Variants in ITPR1 observed in about 807,000 individuals in gnomAD.
ITPR1 encodes inositol 1,4,5-trisphosphate receptor type 1, also known as inositol 1,4,5-trisphosphate-gated calcium channel ITPR1.
ITPR1 carries 96 observed loss-of-function variants against 318.4 expected under a neutral mutation model. That is an observed-to-expected ratio of 0.30 (90% CI 0.26 to 0.36). The LOEUF is 0.36. ITPR1 is among the 10% of genes least tolerant of loss of function. ITPR1 has a pLI of 1.00. For synonymous variants in ITPR1, 1,312 were observed against 1,289.9 expected, an observed-to-expected ratio of 1.02 and a Z score of -0.37; for missense variants, 2,440 against 3,460.2, an observed-to-expected ratio of 0.71 and a Z score of 7.40.
intron 36 of ITPR1, among the ~76,000 whole-genome samples, chr3:4,704,785 C>G (rs1469491212): frequency 6.6e-6 from 1 of 150,724 alleles, no homozygotes; most frequent in Non-Finnish European, 1.5e-5. Context: ...CAGCACTACC[C>G]AGAGTCCCCT....
intron 18 of ITPR1, among the ~76,000 whole-genome samples, chr3:4,668,221 T>A: frequency 6.6e-6 from 1 of 151,366 alleles, no homozygotes; most frequent in East Asian, 1.9e-4. Context: ...TCTATTTTTT[T>A]TTTTTTTTTT....
chr3:4,591,891 G>T (rs1237219628), intron 4 of ITPR1, among the ~76,000 whole-genome samples: 1 of 152,074 alleles, frequency 6.6e-6, no homozygotes, highest in South Asian at 2.1e-4. Context: ...TTAACAGTCA[G>T]ATCTGACATA....
At chr3:4,496,499 A>T (rs2080582774) in intron 2 of ITPR1, among the ~76,000 whole-genome samples, 1 of 152,236 alleles carries the variant, frequency 6.6e-6, no homozygotes, top group East Asian at 1.9e-4. Context: ...TTTGGGGTTG[A>T]CAATGGTATC....
rs1365643116 is a variant in ITPR1, at chr3:4,699,855, T to C, written c.4450T>C (p.Leu1484=). 1.2e-6 allele frequency: 2 copies of C among 1,613,802 alleles called. No homozygotes were observed. The highest frequency in any genetic ancestry group is 2.2e-5 in the East Asian group (1 of 44,888). The change falls in exon 35 of 62, where the codon TTG becomes CTG. Residue 1484 remains leucine (L), a synonymous_variant. Coordinates refer to ENST00000649015, the MANE Select transcript of ITPR1 (RefSeq NM_001378452.1). ...TSDRKHADSI[L]EKYVTEIVMS... ...TGACAGGAAACATGCAGACTCGATT[T>C]TGGAGAAGTATGTCACCGAAATCGT...
chr3:4,668,177 A>G (rs879531096), intron 18 of ITPR1, among the ~76,000 whole-genome samples: 87 of 151,036 alleles, frequency 5.8e-4, no homozygotes, highest in African/African-American at 2.1e-3. Flanking sequence ...TAATTACCCA[A>G]TTTACCTACA....
At chr3:4,770,690 G>T (rs753880576) in intron 46 of ITPR1, among the ~76,000 whole-genome samples, 2 of 152,168 alleles carry the variant, frequency 1.3e-5, no homozygotes, top group Non-Finnish European at 2.9e-5. Context: ...TAGTTTTCTT[G>T]TCAGTTGCTC....
Position 4,537,089 on chromosome 3 carries a change from C to T in ITPR1, c.163+15995C>T, listed in dbSNP as rs59765669. ...TATCTTGTGTCTTCTTTCTGTGCATCTTTCACCTTGGTTTCTTGTCCTGTC... is the reference window on the plus strand; with the variant it reads ...TATCTTGTGTCTTCTTTCTGTGCATTTTTCACCTTGGTTTCTTGTCCTGTC... On this transcript the variant is annotated intron_variant, in intron 4 of 61. Coordinates refer to ENST00000649015, the MANE Select transcript of ITPR1 (RefSeq NM_001378452.1). Among the ~76,000 whole-genome samples, 773 of 152,254 alleles carry T rather than the reference C, an allele frequency of 5.1e-3. 7 individuals are homozygous for T. The highest frequency in any genetic ancestry group is 0.018 in the African/African-American group (736 of 41,548).
At chr3:4,764,862 A>C (rs1004765805) in intron 44 of ITPR1, among the ~76,000 whole-genome samples, 8 of 152,108 alleles carry the variant, frequency 5.3e-5, no homozygotes, top group African/African-American at 1.9e-4. Flanking sequence ...CATGGGGGAA[A>C]GGTCTAGGCT....
chr3:4,756,075 T>C (rs1226667341), intron 44 of ITPR1, among the ~76,000 whole-genome samples: 1 of 152,208 alleles, frequency 6.6e-6, no homozygotes, highest in Non-Finnish European at 1.5e-5. Flanking sequence ...GAGGGTCCAA[T>C]TCTGAATGCC....
chr3:4,633,033 G>C (rs2093064229), intron 5 of ITPR1, among the ~76,000 whole-genome samples: 1 of 147,888 alleles, frequency 6.8e-6, no homozygotes, highest in Admixed American at 6.8e-5. Context: ...CCACCTCCCG[G>C]GTTCAAGCGA....
intron 8 of ITPR1, 127 bp from the exon 9 acceptor site, chr3:4,645,260 G>C: frequency 2.9e-6 from 2 of 697,748 alleles, no homozygotes; most frequent in South Asian, 3.2e-5. Flanking sequence ...TTTTAGTGGC[G>C]TCAATCTTTA....
At position 4,667,845 on chromosome 3, in the gene ITPR1, C is replaced by T. The variant is rs141871567; in HGVS notation, c.1886+296C>T. 3.2e-3 allele frequency among the ~76,000 whole-genome samples: 489 copies of T among 152,280 alleles called. 3 individuals carry two copies. The highest frequency in any genetic ancestry group is 0.011 in the African/African-American group (448 of 41,544). On this transcript the variant is annotated intron_variant, in intron 18 of 61. Coordinates refer to ENST00000649015, the MANE Select transcript of ITPR1 (RefSeq NM_001378452.1). The stretch of plus-strand genomic sequence containing the variant: ...ATTAAATGAGAATAAACGCAGGTGA[C>T]GTGCAGGCACTTAGTGGATGCAGAG...
intron 29 of ITPR1, among the ~76,000 whole-genome samples, chr3:4,684,745 G>A (rs142196676): frequency 7.8e-4 from 119 of 152,294 alleles, no homozygotes; most frequent in African/African-American, 2.7e-3. Context: ...TTGGGAGGCT[G>A]GGAGCTTTGT....
chr3:4,661,546 C>T (rs1045919497), intron 14 of ITPR1, among the ~76,000 whole-genome samples: 6 of 152,098 alleles, frequency 3.9e-5, no homozygotes, highest in East Asian at 1.9e-4. Context: ...CCCCTGTCTC[C>T]AGGGTCATAC....
intron 4 of ITPR1, among the ~76,000 whole-genome samples, chr3:4,531,850 C>G (rs2083441335): frequency 1.3e-5 from 2 of 152,172 alleles, no homozygotes. Context: ...AGCAGCTGCT[C>G]CTTTTGCACA....
At chr3:4,676,385 G>T (rs1200807169) in intron 23 of ITPR1, among the ~76,000 whole-genome samples, 1 of 152,048 alleles carries the variant, frequency 6.6e-6, no homozygotes, top group Non-Finnish European at 1.5e-5. Flanking sequence ...GGGCAAGTTA[G>T]TGCACAGAAA....
At chr3:4,706,103 C>A in intron 36 of ITPR1, 64 bp from the exon 37 acceptor site, 2 of 1,564,094 alleles carry the variant, frequency 1.3e-6, no homozygotes, top group Non-Finnish European at 1.8e-6. Flanking sequence ...TAGGGCATTA[C>A]GTCCATCTGT....
chr3:4,712,956 A>G (rs1273093021), intron 39 of ITPR1, among the ~76,000 whole-genome samples: 1 of 152,172 alleles, frequency 6.6e-6, no homozygotes, highest in Non-Finnish European at 1.5e-5. Flanking sequence ...TGCAGAGAAA[A>G]CCTGCCAGAC....
chr3:4,632,568 G>A (rs2093046702), intron 5 of ITPR1, among the ~76,000 whole-genome samples: 1 of 152,114 alleles, frequency 6.6e-6, no homozygotes, highest in African/African-American at 2.4e-5. Context: ...TGCTTTTAGT[G>A]TAGTATCTCA....
Sources: gnomAD v4.1 joint callset for allele counts (sites outside exome capture counted in the v4.1 genomes callset) on GRCh38, gnomAD v4.1.1 for gene constraint, MANE v1.5 for transcripts, NCBI Gene and HGNC (gene_info 2026-07-23, HGNC 2026-07-21) for gene names.